Variants in GALNT17 observed in about 807,000 individuals in gnomAD.
GALNT17 encodes the protein UDP-GalNAc:polypeptide N-acetylgalactosaminyltransferase-like 3.
In GALNT17, 29 loss-of-function variants were observed where a neutral mutation model predicts 63.7. That is an observed-to-expected ratio of 0.46 (90% CI 0.34 to 0.62). The LOEUF (loss-of-function observed/expected upper bound fraction) is 0.62, where lower values mean the gene tolerates loss of function less well. Among genes scored for constraint, GALNT17 ranks in the 20% least tolerant of loss-of-function variants. The probability of loss-of-function intolerance (pLI) is 0.01; values close to 1 mark genes in which losing one functional copy is unlikely to be tolerated. For missense variants in GALNT17, 603 were observed against 799.6 expected (o/e 0.75, Z 2.97); for synonymous variants, 305 against 318.3 (o/e 0.96, Z 0.45).
chr7:71,540,093 C>CTTTTTTTTTT lies in GALNT17; in HGVS notation c.963-31166_963-31157dup, dbSNP rs71089954. 1.8e-3 allele frequency among the ~76,000 whole-genome samples: 62 copies of CTTTTTTTTTT among 33,548 alleles called. 13 individuals are homozygous for CTTTTTTTTTT. Among genetic ancestry groups the CTTTTTTTTTT allele is most frequent in the East Asian group, 3.1e-3 (3 of 962 alleles). 22.0% of individuals were successfully genotyped at this position (33,548 alleles called of 152,430 possible). A position where few individuals can be genotyped will look rare whatever the true frequency, so the allele number is the denominator to read the frequency against. On this transcript the variant is annotated intron_variant, in intron 5 of 10. Coordinates refer to ENST00000333538, the MANE Select transcript of GALNT17 (RefSeq NM_022479.3). ...ACAGTTGTGAGCCACTGTGCCTGGCCTTTTTTTTTTTTTTTTTTTTTTTTT... is the reference window on the plus strand; with the variant it reads ...ACAGTTGTGAGCCACTGTGCCTGGCCTTTTTTTTTTTTTTTTTTTTTTTTTTTTTTTTTTT...
chr7:71,350,712 A>T (rs1792174387), intron 2 of GALNT17, among the ~76,000 whole-genome samples: 1 of 152,186 alleles, frequency 6.6e-6, no homozygotes. Context: ...GGATTTTGGT[A>T]TCCATGAGGG....
intron 6 of GALNT17, among the ~76,000 whole-genome samples, chr7:71,597,345 A>G (rs1398347351): frequency 6.6e-6 from 1 of 151,846 alleles, no homozygotes; most frequent in Non-Finnish European, 1.5e-5. Context: ...GGCCTACAAA[A>G]AAGTTTTAAA....
chr7:71,392,862 A>G (rs1384158089), intron 3 of GALNT17, among the ~76,000 whole-genome samples: 1 of 152,036 alleles, frequency 6.6e-6, no homozygotes. Context: ...CTAGAAGAGG[A>G]ATCTAATATT....
At chr7:71,169,578 C>T (rs995019837) in intron 1 of GALNT17, among the ~76,000 whole-genome samples, 2 of 152,128 alleles carry the variant, frequency 1.3e-5, no homozygotes, top group Admixed American at 6.6e-5. Context: ...TTATTTGAGA[C>T]AGGGTCTCAC....
chr7:71,624,925 G>A (rs922147720), intron 6 of GALNT17, among the ~76,000 whole-genome samples: 5 of 152,192 alleles, frequency 3.3e-5, no homozygotes, highest in Admixed American at 6.5e-5. Context: ...CAATGACATC[G>A]TGCCATGTGA....
intron 5 of GALNT17, among the ~76,000 whole-genome samples, chr7:71,506,361 G>T (rs1193048613): frequency 6.6e-6 from 1 of 152,006 alleles, no homozygotes; most frequent in Non-Finnish European, 1.5e-5. Flanking sequence ...CCGCCTTCTG[G>T]GTTCAAGAGA....
chr7:71,578,506 G>C (rs902213535), intron 6 of GALNT17, among the ~76,000 whole-genome samples: 1 of 151,666 alleles, frequency 6.6e-6, no homozygotes, highest in African/African-American at 2.4e-5. Context: ...GCTAATTGTT[G>C]TTTTTTGGTT....
At chr7:71,561,948 G>C (rs1326410388) in intron 5 of GALNT17, among the ~76,000 whole-genome samples, 2 of 151,544 alleles carry the variant, frequency 1.3e-5, no homozygotes, top group African/African-American at 4.8e-5. Flanking sequence ...AGCAGATTTT[G>C]TTTTGTTTTT....
intron 1 of GALNT17, among the ~76,000 whole-genome samples, chr7:71,133,364 G>A (rs1250037807): frequency 2.0e-5 from 3 of 151,770 alleles, no homozygotes; most frequent in African/African-American, 7.3e-5. Context: ...CTAGTGGAGG[G>A]GCCACATGGG....
intron 1 of GALNT17, among the ~76,000 whole-genome samples, chr7:71,207,930 TC>T (rs1169312520): frequency 8.6e-5 from 13 of 151,072 alleles, no homozygotes; most frequent in Non-Finnish European, 1.5e-4. Context: ...TAATTTTTTT[TC>T]TTTTTTCTTT....
intron 3 of GALNT17, among the ~76,000 whole-genome samples, chr7:71,393,608 A>G (rs1051099737): frequency 5.9e-5 from 9 of 151,874 alleles, no homozygotes; most frequent in African/African-American, 1.7e-4. Context: ...GGGCAGATTG[A>G]TCTATTCTCA....
At chr7:71,690,933 T>A (rs2117093943) in intron 9 of GALNT17, among the ~76,000 whole-genome samples, 1 of 152,320 alleles carries the variant, frequency 6.6e-6, no homozygotes, top group South Asian at 2.1e-4. Context: ...GATGGGGATG[T>A]TGTGAATATT....
chr7:71,476,750 C>A (rs59343577), intron 5 of GALNT17, among the ~76,000 whole-genome samples: 7,625 of 152,184 alleles, frequency 0.05, 665 homozygotes, highest in African/African-American at 0.17. Context: ...ATGCACAGGG[C>A]AGTTTCTTAC....
intron 1 of GALNT17, among the ~76,000 whole-genome samples, chr7:71,247,390 A>G (rs1181148613): frequency 6.6e-6 from 1 of 152,050 alleles, no homozygotes; most frequent in Non-Finnish European, 1.5e-5. Flanking sequence ...AGAGGTGCTT[A>G]CCTCCTTGGC....
At chr7:71,339,722 G>A (rs1480702117) in intron 2 of GALNT17, among the ~76,000 whole-genome samples, 1 of 151,740 alleles carries the variant, frequency 6.6e-6, no homozygotes, top group Non-Finnish European at 1.5e-5. Context: ...AATTGGGAGA[G>A]GGATAAGGGT....
chr7:71,177,787 T>G (rs1788665771), intron 1 of GALNT17, among the ~76,000 whole-genome samples: 1 of 152,222 alleles, frequency 6.6e-6, no homozygotes, highest in Non-Finnish European at 1.5e-5. Context: ...TAAAATTATT[T>G]TGTTATTTCA....
intron 1 of GALNT17, among the ~76,000 whole-genome samples, chr7:71,190,665 T>C (rs1337748445): frequency 2.0e-5 from 3 of 152,232 alleles, no homozygotes; most frequent in Admixed American, 1.3e-4. Context: ...GGGGTCTTGC[T>C]TTGTCACCCA....
At chr7:71,134,835 G>GTTTTTTTTTTTTTTTTTT (rs561383417) in intron 1 of GALNT17, among the ~76,000 whole-genome samples, 1 of 57,888 alleles carries the variant, frequency 1.7e-5, no homozygotes, top group Non-Finnish European at 2.9e-5. Context: ...TTGTTTTATG[G>GTTTTTTTTTTTTTTTTTT]TTTTTTTTTT....
intron 6 of GALNT17, among the ~76,000 whole-genome samples, chr7:71,630,055 A>G (rs944863101): frequency 2.6e-5 from 4 of 151,832 alleles, no homozygotes; most frequent in African/African-American, 9.7e-5. Context: ...TGCCAGATAG[A>G]CACAGGACTG....
Sources: gnomAD v4.1 joint callset for allele counts (sites outside exome capture counted in the v4.1 genomes callset) on GRCh38, gnomAD v4.1.1 for gene constraint, MANE v1.5 for transcripts, NCBI Gene and HGNC (gene_info 2026-07-23, HGNC 2026-07-21) for gene names.